Variants in HIP1R observed in about 807,000 individuals in gnomAD.
The protein encoded by HIP1R is huntingtin-interacting protein 1-related protein.
A neutral mutation model predicts 144.2 loss-of-function variants in HIP1R; 135 were observed. The observed-to-expected ratio is 0.94, with a 90% CI of 0.81 to 1.08. HIP1R has a LOEUF of 1.08. Ranked by LOEUF, HIP1R falls within the 50% of genes least tolerant of loss-of-function variation. The probability of loss-of-function intolerance (pLI) is 0.00; values close to 1 mark genes in which losing one functional copy is unlikely to be tolerated. For synonymous variants in HIP1R, 698 were observed against 612.8 expected (o/e 1.14, Z -2.05); for missense variants, 1,462 against 1,432.8 (o/e 1.02, Z -0.33).
Position 122,861,197 on chromosome 12 carries a change from G to T in HIP1R, c.2952+5G>T, listed in dbSNP as rs1440762312. ...AAGCAGGAGATGGAGACCCAGGTAG[G>T]CGCCCATGGCTGCCCCGTGACCTCT... On this transcript the variant is annotated splice_donor_5th_base_variant and intron_variant, in intron 30 of 31. Transcript: ENST00000253083. 10 of 1,518,550 alleles carry T rather than the reference G, an allele frequency of 6.6e-6. No homozygotes were observed. Among genetic ancestry groups the T allele is most frequent in the Admixed American group, 6.2e-5 (3 of 48,380 alleles). 94.1% of individuals were successfully genotyped at this position (1,518,550 alleles called of 1,614,324 possible).
rs767894759 is a variant in HIP1R at position 122,860,034 on chromosome 12, T to G, written c.2466-13T>G. 6.4e-7 allele frequency: 1 copy of G among 1,551,536 alleles called. No individual in the cohort carries two copies. Among genetic ancestry groups the G allele is most frequent in the South Asian group, 1.2e-5 (1 of 81,034 alleles). On this transcript the variant is annotated splice_polypyrimidine_tract_variant and intron_variant, in intron 24 of 31. Transcript: ENST00000253083. The stretch of plus-strand genomic sequence containing the variant: ...TGCAGAGCGGCAGCTAAGTCTCTCC[T>G]TCTCTCCCCCAGGATCCTCAACTCC...
rs2033482011 is a variant in HIP1R at position 122,854,088 on chromosome 12, C to T, written c.623C>T (p.Ser208Leu). The T allele has an allele frequency of 6.2e-7, 1 of 1,613,946 alleles. No homozygotes were observed. The highest frequency in any genetic ancestry group is 8.5e-7 in the Non-Finnish European group (1 of 1,179,958). Residue 208 changes from serine to leucine, a missense_variant, in exon 8 of 32, where the codon TCA (serine) becomes TTA (leucine). Coordinates refer to ENST00000253083, the MANE Select transcript of HIP1R (RefSeq NM_003959.3). ...GCCATCGCCGTATCCCAGATGTCCTCAGGCCAGTGCCGCCTGGCCCCCCTC... is the reference window on the plus strand; with the variant it reads ...GCCATCGCCGTATCCCAGATGTCCTTAGGCCAGTGCCGCCTGGCCCCCCTC... ...NTAIAVSQMS[S>L]GQCRLAPLIQ... is the part of the protein sequence containing the mutation.
Position 122,851,694 on chromosome 12 carries a change from A to AG in HIP1R, c.577+397_577+398insG, listed in dbSNP as rs1555262583. 5.4e-5 allele frequency among the ~76,000 whole-genome samples: 8 copies of AG among 149,064 alleles called. 1 individual carries two copies. Among genetic ancestry groups the AG allele is most frequent in the Admixed American group, 2.7e-4 (4 of 15,070 alleles). Reference sequence around the variant, plus strand: ...GTGAGTCTCCGTCTTAAAAAAAAAAAAAAGAAAAAGAAATGCCCCTGCCCC... The same window carrying AG: ...GTGAGTCTCCGTCTTAAAAAAAAAAAGAAAGAAAAAGAAATGCCCCTGCCCC... On this transcript the variant is annotated intron_variant, in intron 7 of 31. Coordinates refer to ENST00000253083, the MANE Select transcript of HIP1R (RefSeq NM_003959.3).
At chr12:122,849,560 G>A (rs2033312433) in intron 4 of HIP1R, among the ~76,000 whole-genome samples, 1 of 152,288 alleles carries the variant, frequency 6.6e-6, no homozygotes, top group African/African-American at 2.4e-5. Flanking sequence ...AGGGAGCAGG[G>A]AGGATGTGTC....
At chr12:122,834,910 G>C (rs748259535), upstream of HIP1R, 7 of 1,276,568 alleles carry the variant, frequency 5.5e-6, no homozygotes, top group Non-Finnish European at 1.0e-6. Context: ...AGACCAAAAA[G>C]GAAAAAAAGC....
intron 7 of HIP1R, among the ~76,000 whole-genome samples, chr12:122,852,911 G>A (rs1326604597): frequency 6.6e-6 from 1 of 151,896 alleles, no homozygotes; most frequent in East Asian, 1.9e-4. Flanking sequence ...CATGTAATTA[G>A]AGATTACTTT....
rs372211396 is a variant in HIP1R at position 122,860,709 on chromosome 12, G to A, written c.2691G>A (p.Thr897=). 15 of 1,613,214 alleles carry A rather than the reference G, an allele frequency of 9.3e-6. No individual in the cohort carries two copies. Among genetic ancestry groups the A allele is most frequent in the Middle Eastern group, 1.6e-4 (1 of 6,078 alleles). ...CAGCTGACAAGGTGGTGCTTCACAC[G>A]GGCAAGTATGAGGAGCTCATCGTCT... ...VEAADKVVLH[T]GKYEELIVCS... The change falls in exon 28 of 32, where the codon ACG becomes ACA. Residue 897 remains threonine, a synonymous_variant. Coordinates refer to ENST00000253083, the MANE Select transcript of HIP1R (RefSeq NM_003959.3).
intron 1 of HIP1R, among the ~76,000 whole-genome samples, chr12:122,843,233 C>T (rs920196959): frequency 2.0e-5 from 3 of 152,208 alleles, no homozygotes; most frequent in South Asian, 2.1e-4. Flanking sequence ...AGCCCAGGGC[C>T]GCCTGGGAGG....
chr12:122,859,494 G>A lies in HIP1R; in HGVS notation c.2364G>A (p.Ala788=), dbSNP rs774181797. Residue 788 remains alanine (A), a synonymous_variant, in exon 23 of 32, where the codon GCG becomes GCA. Transcript: ENST00000253083. ...ELGAVVDKEM[A]ATSAAIEDAV... The stretch of plus-strand genomic sequence containing the variant: ...GGGCCGTGGTCGACAAGGAGATGGC[G>A]GCCACATCCGCAGCCATTGAAGATG... 81 of 1,613,296 alleles carry A rather than the reference G, an allele frequency of 5.0e-5. No homozygotes were observed. The East Asian group carries it at 1.6e-3, about 32-fold the overall frequency.
chr12:122,858,149 C>T lies in HIP1R; in HGVS notation c.1863C>T (p.Phe621=), dbSNP rs776720047. The change falls in exon 19 of 32, where the codon TTC becomes TTT. Residue 621 remains phenylalanine, a synonymous_variant. Coordinates refer to ENST00000253083, the MANE Select transcript of HIP1R (RefSeq NM_003959.3). The stretch of plus-strand genomic sequence containing the variant: ...GGCAGAGGCTGCTGGACGAGCAGTT[C>T]GCAGTGTTGCGGGGCGCTGCTGCCG... ...GLRQRLLDEQ[F]AVLRGAAAEA... 21 of 1,603,944 alleles carry T rather than the reference C, an allele frequency of 1.3e-5. No individual in the cohort carries two copies. Among genetic ancestry groups the T allele is most frequent in the Admixed American group, 1.7e-5 (1 of 59,704 alleles).
chr12:122,856,610 G>T lies in HIP1R; in HGVS notation c.1519-15G>T. ...CCCCAGCCCACTGCCCCAGTGACAC[G>T]CTGTCCTGTCCCAGCTAGAGGAGAA... On this transcript the variant is annotated splice_polypyrimidine_tract_variant and intron_variant, in intron 16 of 31. Coordinates refer to ENST00000253083, the MANE Select transcript of HIP1R (RefSeq NM_003959.3). 2 of 1,600,940 alleles carry T rather than the reference G, an allele frequency of 1.2e-6. No homozygotes were observed. Among genetic ancestry groups the T allele is most frequent in the Non-Finnish European group, 1.7e-6 (2 of 1,173,578 alleles).
rs150849671 is a variant in HIP1R, at chr12:122,859,650, G to T, written c.2406+114G>T. 986 of 1,376,476 alleles carry T rather than the reference G, an allele frequency of 7.2e-4. 18 individuals carry two copies. In the East Asian group the frequency reaches 0.017, roughly 24 times the overall value. 85.3% of individuals were successfully genotyped at this position (1,376,476 alleles called of 1,614,324 possible). ...TCCTGCTCTCAGCCTCCAGACAGAG[G>T]ACAGATGGCGTTTTCCAGGGGCCTG... On this transcript the variant is annotated intron_variant, in intron 23 of 31. Transcript: ENST00000253083.
chr12:122,858,565 C>T (rs1375396280), intron 20 of HIP1R, 130 bp downstream of exon 20: 3 of 753,202 alleles, frequency 4.0e-6, no homozygotes, highest in Non-Finnish European at 2.1e-6. Context: ...ATGCCCCCTG[C>T]CTGCTCCTTC....
rs150288361 is a variant in HIP1R at position 122,837,409 on chromosome 12, C to A, written c.93+1766C>A. ...TCTCAGCTCGCTGCAACCTCCGCCTCCCGGGTTCAAGTGATTCTCCTGCCT... is the reference window on the plus strand; with the variant it reads ...TCTCAGCTCGCTGCAACCTCCGCCTACCGGGTTCAAGTGATTCTCCTGCCT... On this transcript the variant is annotated intron_variant, in intron 1 of 31. Transcript: ENST00000253083. Among the ~76,000 whole-genome samples the A allele has an allele frequency of 3.3e-5, 5 of 152,192 alleles. No individual in the cohort carries two copies. The East Asian group carries it at 9.7e-4, about 29-fold the overall frequency.
chr12:122,855,629 C>T lies in HIP1R; in HGVS notation c.1055+17C>T. On this transcript the variant is annotated intron_variant, in intron 12 of 31. Transcript: ENST00000253083. ...GGACGACAGGTGAGGGCTGGAGGAG[C>T]CGACTGGGCTGGGGGTGGTTGGAAA... 1 of 1,549,866 alleles carries T rather than the reference C, an allele frequency of 6.5e-7. No individual in the cohort carries two copies. The highest frequency in any genetic ancestry group is 8.7e-7 in the Non-Finnish European group (1 of 1,146,728).
chr12:122,861,539 A>AGTTCCTGGACGGGGGT (rs1290506270), intron 31 of HIP1R, 25 bp downstream of exon 31: 12 of 1,599,360 alleles, frequency 7.5e-6, no homozygotes, highest in Non-Finnish European at 9.4e-6. Context: ...GGGATGGGGG[A>AGTTCCTGGACGGGGGT]GTTCCTGGAC....
intron 1 of HIP1R, among the ~76,000 whole-genome samples, chr12:122,841,373 CT>C (rs1593860413): frequency 6.6e-6 from 1 of 152,348 alleles, no homozygotes; most frequent in East Asian, 1.9e-4. Flanking sequence ...AGTGTGTCAT[CT>C]CCTTGCCGAG....
rs376073613 is a variant in HIP1R, at chr12:122,835,523, C to T, written c.-28C>T. On this transcript the variant is annotated 5_prime_UTR_variant, in exon 1 of 32. Transcript: ENST00000253083. ...GAGGCTGTGAGTCGCGCGGACGGAGCCGGACAAAAGCGGGCGGCGGCGGCA... is the reference window on the plus strand; with the variant it reads ...GAGGCTGTGAGTCGCGCGGACGGAGTCGGACAAAAGCGGGCGGCGGCGGCA... 1 of 1,324,266 alleles carries T rather than the reference C, an allele frequency of 7.6e-7. No homozygotes were observed. Among genetic ancestry groups the T allele is most frequent in the Non-Finnish European group, 9.7e-7 (1 of 1,029,488 alleles). 82.0% of individuals were successfully genotyped at this position (1,324,266 alleles called of 1,614,324 possible).
chr12:122,839,922 A>G (rs1314346358), intron 1 of HIP1R, among the ~76,000 whole-genome samples: 2 of 152,238 alleles, frequency 1.3e-5, no homozygotes, highest in East Asian at 3.9e-4. Context: ...GTGCCGGACA[A>G]TGCAAGTGTT....
Sources: allele counts gnomAD v4.1 joint callset (sites outside exome capture counted in the v4.1 genomes callset), GRCh38; gene constraint gnomAD v4.1.1; transcripts MANE v1.5; gene names NCBI Gene and HGNC (gene_info 2026-07-23, HGNC 2026-07-21).